The following BCAT1 variants were observed in gnomAD, a reference collection of about 807,000 sequenced individuals.
BCAT1 encodes branched-chain-amino-acid aminotransferase, cytosolic.
A neutral mutation model predicts 52.4 loss-of-function variants in BCAT1; 48 were observed. The observed-to-expected ratio is 0.92, with a 90% CI of 0.73 to 1.16. The LOEUF is 1.16. Ranked by LOEUF, BCAT1 falls within the 50% of genes most tolerant of loss-of-function variation. The pLI is 0.00. For synonymous variants in BCAT1, 167 were observed against 161.3 expected (o/e 1.04, Z -0.27); for missense variants, 451 against 457.1 (o/e 0.99, Z 0.12).
intron 3 of BCAT1, among the ~76,000 whole-genome samples, chr12:24,889,896 G>A (rs1456784764): frequency 3.3e-5 from 5 of 152,128 alleles, no homozygotes; most frequent in African/African-American, 1.2e-4. Flanking sequence ...CCAGGGGAAG[G>A]AATATTGACG....
intron 1 of BCAT1, among the ~76,000 whole-genome samples, chr12:24,911,532 A>G (rs1591868778): frequency 6.6e-6 from 1 of 152,196 alleles, no homozygotes; most frequent in Middle Eastern, 3.4e-3. Flanking sequence ...TCTTTCCCAC[A>G]TGTTAGAGGA....
At chr12:24,902,303 C>G in intron 1 of BCAT1, 5 of 1,288,016 alleles carry the variant, frequency 3.9e-6, no homozygotes, top group Non-Finnish European at 4.9e-6. Context: ...ATCACAGACG[C>G]ACAATAGCAA....
At chr12:24,910,171 C>T (rs1211372997) in intron 1 of BCAT1, among the ~76,000 whole-genome samples, 1 of 151,804 alleles carries the variant, frequency 6.6e-6, no homozygotes, top group African/African-American at 2.4e-5. Context: ...ATCAGGAGTT[C>T]GAGACCAACC....
chr12:24,893,293 T>C (rs1368657524), intron 3 of BCAT1, among the ~76,000 whole-genome samples: 2 of 152,234 alleles, frequency 1.3e-5, no homozygotes, highest in Admixed American at 6.5e-5. Context: ...TGACTCTATA[T>C]GCTTAGATAA....
chr12:24,887,736 T>C (rs1942725059), intron 3 of BCAT1, among the ~76,000 whole-genome samples: 1 of 152,256 alleles, frequency 6.6e-6, no homozygotes, highest in African/African-American at 2.4e-5. Context: ...TTTCACTAAA[T>C]ATTTGTTATA....
intron 10 of BCAT1, among the ~76,000 whole-genome samples, chr12:24,818,642 T>C (rs1939979274): frequency 1.3e-5 from 2 of 152,198 alleles, no homozygotes; most frequent in Admixed American, 1.3e-4. Flanking sequence ...ACAAGTCCCA[T>C]GGATTTTAAC....
chr12:24,842,785 T>A (rs559770516), intron 6 of BCAT1, among the ~76,000 whole-genome samples: 118 of 152,164 alleles, frequency 7.8e-4, no homozygotes, highest in Non-Finnish European at 3.2e-4. Context: ...AAAGTCTCGA[T>A]GTTGACCAAA....
In BCAT1 at chr12:24,813,030, G is replaced by GC. The variant is rs912726897; in HGVS notation, c.*4977dup. ...ACTTGTATCCAGCAGATTTGAAAGG[G>GC]CACTTCAAATTTGTTCTTCTTTTTC... On this transcript the variant is annotated 3_prime_UTR_variant, in exon 11 of 11. Transcript: ENST00000261192. 3.9e-5 allele frequency: 6 copies of GC among 152,042 alleles called. No individual in the cohort carries two copies. The highest frequency in any genetic ancestry group is 3.3e-4 in the Admixed American group (5 of 15,260). 9.4% of individuals were successfully genotyped at this position (152,042 alleles called of 1,614,324 possible).
chr12:24,930,234 C>T (rs1234159131), intron 1 of BCAT1, among the ~76,000 whole-genome samples: 1 of 152,178 alleles, frequency 6.6e-6, no homozygotes, highest in Non-Finnish European at 1.5e-5. Context: ...CACATTCTGT[C>T]TCACCTCTAA....
chr12:24,923,282 A>C (rs1444138445), intron 1 of BCAT1, among the ~76,000 whole-genome samples: 2 of 152,220 alleles, frequency 1.3e-5, no homozygotes, highest in Non-Finnish European at 2.9e-5. Context: ...AAGCCTTTCT[A>C]AGACTAGCAG....
chr12:24,943,367 C>T (rs1943876484), intron 1 of BCAT1, among the ~76,000 whole-genome samples: 1 of 151,850 alleles, frequency 6.6e-6, no homozygotes, highest in South Asian at 2.1e-4. Context: ...GTGGCACATG[C>T]CTGTGGTCCC....
chr12:24,834,001 T>C (rs901990730), intron 8 of BCAT1: 3 of 263,714 alleles, frequency 1.1e-5, no homozygotes, highest in Admixed American at 1.3e-4. Flanking sequence ...TTATATTTTA[T>C]ATTTTATTTT....
At chr12:24,900,351 C>T (rs769571141) in intron 2 of BCAT1, among the ~76,000 whole-genome samples, 15 of 152,012 alleles carry the variant, frequency 9.9e-5, no homozygotes, top group South Asian at 2.1e-4. Flanking sequence ...TTTGGGAGGC[C>T]GAGGTGGGAG....
rs1421292016 is a variant in BCAT1, at chr12:24,810,471, TG to T, written c.*7536del. ...AATGTAGAAAACACACTTTCTACCCTGAAGGAAACTGCTGTCTTATCTGATA... is the reference window on the plus strand; with the variant it reads ...AATGTAGAAAACACACTTTCTACCCTAAGGAAACTGCTGTCTTATCTGATA... On this transcript the variant is annotated 3_prime_UTR_variant, in exon 11 of 11. Coordinates refer to ENST00000261192, the MANE Select transcript of BCAT1 (RefSeq NM_005504.7). 1.3e-5 allele frequency: 2 copies of T among 152,200 alleles called. No homozygotes were observed. The highest frequency in any genetic ancestry group is 3.8e-4 in the East Asian group (2 of 5,196). The allele number at this position is 152,200 out of a possible 1,614,324, so 9.4% of individuals were successfully genotyped here.
rs1262587960 is a variant in BCAT1, at chr12:24,894,278, C to T, written c.276G>A (p.Val92=). ...TCTTTAATTCCCATGTACTTACTTCCACTGCATAGTGCAAAGCTGATGAGC... is the reference window on the plus strand; with the variant it reads ...TCTTTAATTCCCATGTACTTACTTCTACTGCATAGTGCAAAGCTGATGAGC... The part of the protein sequence containing the change: ...HPGSSALHYA[V]ELFEGLKAFR... Residue 92 remains valine (V), a synonymous_variant, in exon 3 of 11, where the codon GTG becomes GTA. Coordinates refer to ENST00000261192, the MANE Select transcript of BCAT1 (RefSeq NM_005504.7). 1.9e-6 allele frequency: 3 copies of T among 1,613,822 alleles called. No individual in the cohort carries two copies. The highest frequency in any genetic ancestry group is 2.5e-6 in the Non-Finnish European group (3 of 1,179,790).
At chr12:24,887,037 TG>T (rs1942682850) in intron 3 of BCAT1, among the ~76,000 whole-genome samples, 2 of 110,988 alleles carry the variant, frequency 1.8e-5, no homozygotes, top group African/African-American at 3.5e-5. Context: ...CTCTCCAGCC[TG>T]GAAGAACGAG....
At chr12:24,938,105 AT>A (rs1238430145) in intron 1 of BCAT1, among the ~76,000 whole-genome samples, 1 of 152,170 alleles carries the variant, frequency 6.6e-6, no homozygotes, top group East Asian at 1.9e-4. Context: ...TCTACAGTGG[AT>A]AATGGGGCCA....
At chr12:24,849,983 T>C in intron 5 of BCAT1, 34 bp from the exon 6 acceptor site, 1 of 1,546,996 alleles carries the variant, frequency 6.5e-7, no homozygotes, top group Admixed American at 1.9e-5. Context: ...CAACTGTAAC[T>C]TAAAATGTGG....
chr12:24,881,957 G>T (rs1942514130), intron 3 of BCAT1, among the ~76,000 whole-genome samples: 1 of 152,116 alleles, frequency 6.6e-6, no homozygotes, highest in South Asian at 2.1e-4. Flanking sequence ...TCAAAGTGCT[G>T]TCCTGAACAA....
Sources: gnomAD v4.1 joint callset for allele counts (sites outside exome capture counted in the v4.1 genomes callset) on GRCh38, gnomAD v4.1.1 for gene constraint, MANE v1.5 for transcripts, NCBI Gene and HGNC (gene_info 2026-07-23, HGNC 2026-07-21) for gene names.